The following PDZRN4 variants were observed in gnomAD, a reference collection of about 807,000 sequenced individuals.
PDZRN4 encodes PDZ domain-containing RING finger protein 4.
A neutral mutation model predicts 99.0 loss-of-function variants in PDZRN4; 70 were observed. The observed-to-expected ratio is 0.71, with a 90% CI of 0.58 to 0.86. The LOEUF (loss-of-function observed/expected upper bound fraction) is 0.86, where lower values mean the gene tolerates loss of function less well. Ranked by LOEUF, PDZRN4 falls within the 40% of genes least tolerant of loss-of-function variation. The pLI is 0.00. For missense variants in PDZRN4, 1,474 were observed against 1,331.2 expected, an observed-to-expected ratio of 1.11 and a Z score of -1.67; for synonymous variants, 551 against 501.6, an observed-to-expected ratio of 1.10 and a Z score of -1.32.
chr12:41,494,147 A>C (rs1397092101), intron 3 of PDZRN4, among the ~76,000 whole-genome samples: 3 of 152,044 alleles, frequency 2.0e-5, no homozygotes, highest in African/African-American at 7.2e-5. Context: ...TCAATTCACC[A>C]CTTAATTGTA....
At chr12:41,483,920 A>G (rs551716965) in intron 3 of PDZRN4, among the ~76,000 whole-genome samples, 7 of 152,172 alleles carry the variant, frequency 4.6e-5, no homozygotes, top group Non-Finnish European at 8.8e-5. Flanking sequence ...GTGAACTTAC[A>G]TTCTTTTAAT....
intron 5 of PDZRN4, among the ~76,000 whole-genome samples, chr12:41,541,748 C>T (rs529350762): frequency 1.3e-5 from 2 of 152,170 alleles, no homozygotes; most frequent in African/African-American, 4.8e-5. Context: ...CCACCACGCC[C>T]GGCCCTTCTA....
At chr12:41,191,599 C>G in intron 2 of PDZRN4, 55 bp downstream of exon 2, 1 of 820,704 alleles carries the variant, frequency 1.2e-6, no homozygotes, top group Admixed American at 1.9e-5. Context: ...CATTAATAAG[C>G]ATTACTCATT....
Position 41,188,913 on chromosome 12 carries a change from G to T in PDZRN4, c.458G>T (p.Arg153Leu), listed in dbSNP as rs1429361306. The T allele has an allele frequency of 8.8e-7, 1 of 1,139,062 alleles. No homozygotes were observed. Among genetic ancestry groups the T allele is most frequent in the Non-Finnish European group, 1.1e-6 (1 of 930,132 alleles). The allele number at this position is 1,139,062 out of a possible 1,614,324, so 70.6% of individuals were successfully genotyped here. ...GGARGGPPGG[R>L]WGRGRGPGPR... ...GCGCGCGGGGGGCCGCCGGGCGGCCGCTGGGGCCGCGGGCGGGGACCCGGG... is the reference window on the plus strand; with the variant it reads ...GCGCGCGGGGGGCCGCCGGGCGGCCTCTGGGGCCGCGGGCGGGGACCCGGG... The change falls in exon 1 of 10, where the codon CGC becomes CTC. Residue 153 changes from arginine (R) to leucine (L), a missense_variant. By Grantham distance (102) the Arg-to-Leu change is moderately radical. Coordinates refer to ENST00000402685, the MANE Select transcript of PDZRN4 (RefSeq NM_001164595.2).
chr12:41,408,138 G>C (rs1260030404), intron 3 of PDZRN4, among the ~76,000 whole-genome samples: 1 of 152,114 alleles, frequency 6.6e-6, no homozygotes, highest in Admixed American at 6.6e-5. Context: ...TCAGGAAATG[G>C]ATATTACAAA....
At chr12:41,568,909 A>G (rs939343202) in intron 9 of PDZRN4, among the ~76,000 whole-genome samples, 13 of 150,862 alleles carry the variant, frequency 8.6e-5, no homozygotes, top group African/African-American at 2.9e-4. Flanking sequence ...GGTTCAATTG[A>G]TTCTCCTGCC....
intron 3 of PDZRN4, among the ~76,000 whole-genome samples, chr12:41,244,351 G>A (rs976451048): frequency 6.6e-6 from 1 of 152,038 alleles, no homozygotes; most frequent in Admixed American, 6.6e-5. Flanking sequence ...TGCCACTAAG[G>A]TGTATTCTCC....
intron 3 of PDZRN4, among the ~76,000 whole-genome samples, chr12:41,215,824 G>A (rs185575050): frequency 6.7e-6 from 1 of 148,738 alleles, no homozygotes. Context: ...CTTTGAAAAA[G>A]CCTCATAAAC....
intron 3 of PDZRN4, among the ~76,000 whole-genome samples, chr12:41,367,315 G>A (rs1952008129): frequency 6.6e-6 from 1 of 151,988 alleles, no homozygotes; most frequent in Admixed American, 6.6e-5. Flanking sequence ...TTTGAGATCA[G>A]CCTGACTAAT....
chr12:41,514,972 G>T (rs1938376074), intron 5 of PDZRN4, among the ~76,000 whole-genome samples: 1 of 152,032 alleles, frequency 6.6e-6, no homozygotes, highest in Non-Finnish European at 1.5e-5. Flanking sequence ...CTCATATTTG[G>T]TATAAATTTG....
chr12:41,443,855 C>T (rs2250908), intron 3 of PDZRN4, among the ~76,000 whole-genome samples: 77,404 of 151,828 alleles, frequency 0.51, 20,212 homozygotes, highest in African/African-American at 0.64. Flanking sequence ...TGTCCAGGGA[C>T]GGTGGAATAG....
intron 9 of PDZRN4, among the ~76,000 whole-genome samples, chr12:41,571,112 G>A (rs1464018532): frequency 1.3e-5 from 2 of 152,000 alleles, no homozygotes; most frequent in Non-Finnish European, 2.9e-5. Flanking sequence ...ATCTTCTAGA[G>A]GGATGGAGCT....
chr12:41,398,247 G>A (rs571415774), intron 3 of PDZRN4, among the ~76,000 whole-genome samples: 12 of 152,038 alleles, frequency 7.9e-5, no homozygotes, highest in Non-Finnish European at 1.5e-4. Flanking sequence ...GGAAAGAGTG[G>A]ATTAAAAGCA....
intron 3 of PDZRN4, among the ~76,000 whole-genome samples, chr12:41,429,536 G>A (rs1171412090): frequency 6.6e-6 from 1 of 152,102 alleles, no homozygotes; most frequent in Non-Finnish European, 1.5e-5. Context: ...CCTTCTTCTG[G>A]CCCTCTAGGA....
intron 3 of PDZRN4, among the ~76,000 whole-genome samples, chr12:41,210,686 T>G (rs940988384): frequency 6.6e-6 from 1 of 151,950 alleles, no homozygotes; most frequent in African/African-American, 2.4e-5. Context: ...GGAGGAGAAA[T>G]CTTGGAAATT....
intron 5 of PDZRN4, among the ~76,000 whole-genome samples, chr12:41,550,093 T>C (rs901567234): frequency 6.6e-6 from 1 of 152,194 alleles, no homozygotes. Context: ...ATTGTGCCCT[T>C]TTTGTTTTAA....
chr12:41,284,670 A>G (rs1222141460), intron 3 of PDZRN4, among the ~76,000 whole-genome samples: 1 of 152,166 alleles, frequency 6.6e-6, no homozygotes, highest in East Asian at 1.9e-4. Flanking sequence ...ATATAGACCA[A>G]TGACACAGAA....
At chr12:41,325,444 A>T (rs6582329) in intron 3 of PDZRN4, among the ~76,000 whole-genome samples, 7,570 of 152,258 alleles carry the variant, frequency 0.05, 627 homozygotes, top group African/African-American at 0.17. Context: ...ATAGTATAAT[A>T]ATCAATTTTA....
intron 3 of PDZRN4, among the ~76,000 whole-genome samples, chr12:41,324,735 CTT>C (rs1951700080): frequency 6.6e-6 from 1 of 152,024 alleles, no homozygotes; most frequent in Admixed American, 6.6e-5. Flanking sequence ...TCACAGATGA[CTT>C]TTGAACAATT....
Sources: allele counts gnomAD v4.1 joint callset (sites outside exome capture counted in the v4.1 genomes callset), GRCh38; gene constraint gnomAD v4.1.1; transcripts MANE v1.5; gene names NCBI Gene and HGNC (gene_info 2026-07-23, HGNC 2026-07-21).